Variants in PPFIA3 observed in about 807,000 individuals in gnomAD.
PPFIA3 encodes the protein liprin-alpha-3.
A neutral mutation model predicts 145.8 loss-of-function variants in PPFIA3; 26 were observed. That is an observed-to-expected ratio of 0.18 (90% CI 0.13 to 0.25). The LOEUF (loss-of-function observed/expected upper bound fraction) is 0.25, where lower values mean the gene tolerates loss of function less well. Ranked by LOEUF, PPFIA3 falls within the 10% of genes least tolerant of loss-of-function variation. The probability of loss-of-function intolerance (pLI) is 1.00; values close to 1 mark genes in which losing one functional copy is unlikely to be tolerated. For synonymous variants in PPFIA3, 645 were observed against 661.4 expected (o/e 0.98, Z 0.38); for missense variants, 1,008 against 1,587.8 (o/e 0.63, Z 6.21).
In PPFIA3 at chr19:49,130,180, G is replaced by T; in HGVS notation, c.657+113G>T. On this transcript the variant is annotated intron_variant, in intron 6 of 29. Transcript: ENST00000334186. The surrounding 1 kb of genome is among the most constrained non-coding windows in gnomAD (Gnocchi z 4.5). ...GGCCCTAAGACGGCTGCACCTGTAA[G>T]AGTGTCACAGAGCTTGGACCTCTGA... 1 of 1,237,376 alleles carries T rather than the reference G, an allele frequency of 8.1e-7. No homozygotes were observed. Among genetic ancestry groups the T allele is most frequent in the South Asian group, 1.5e-5 (1 of 67,184 alleles). 76.6% of individuals were successfully genotyped at this position (1,237,376 alleles called of 1,614,324 possible).
intron 1 of PPFIA3, among the ~76,000 whole-genome samples, 175 bp downstream of exon 1, chr19:49,119,897 C>T (rs1307085873): frequency 6.6e-6 from 1 of 151,914 alleles, no homozygotes; most frequent in Admixed American, 6.5e-5. Flanking sequence ...CCAGAGTCCC[C>T]GACCGAACCC....
At chr19:49,129,578 G>A in intron 5 of PPFIA3, 124 bp downstream of exon 5, 1 of 1,050,568 alleles carries the variant, frequency 9.5e-7, no homozygotes, top group Non-Finnish European at 1.4e-6. Context: ...GGGCAGACAA[G>A]CTATGGGGTT....
At chr19:49,137,492 T>C (rs1221039591) in intron 15 of PPFIA3, among the ~76,000 whole-genome samples, 2 of 151,818 alleles carry the variant, frequency 1.3e-5, no homozygotes, top group Non-Finnish European at 2.9e-5. Flanking sequence ...TAGCCAGGCA[T>C]GGTGGCAGGC....
intron 1 of PPFIA3, among the ~76,000 whole-genome samples, chr19:49,123,215 A>G (rs1392138704): frequency 6.6e-6 from 1 of 151,066 alleles, no homozygotes; most frequent in Admixed American, 6.6e-5. Context: ...TATTTTTAAT[A>G]GAGACAGGGT....
chr19:49,148,958 G>A, intron 25 of PPFIA3, 35 bp from the exon 26 acceptor site: 4 of 1,607,836 alleles, frequency 2.5e-6, no homozygotes, highest in Non-Finnish European at 3.4e-6. Context: ...CCAGGCCACG[G>A]GAGGGGCACG....
At chr19:49,141,648 G>C in intron 19 of PPFIA3, 135 bp downstream of exon 19, 1 of 617,000 alleles carries the variant, frequency 1.6e-6, no homozygotes. Context: ...GTGCAGCGGT[G>C]GTGGTGGTGA....
Position 49,129,384 on chromosome 19 carries a change from G to C in PPFIA3, c.512G>C (p.Arg171Pro). The change falls in exon 5 of 30, where the codon CGG becomes CCG. Residue 171 changes from arginine to proline, a missense_variant. By Grantham distance (103) the Arg-to-Pro change is moderately radical (BLOSUM62 -2). Coordinates refer to ENST00000334186, the MANE Select transcript of PPFIA3 (RefSeq NM_003660.4). The stretch of plus-strand genomic sequence containing the variant: ...TTGCCCTGCCCCGATCCCCAGGTCC[G>C]GGAGCGGCTGCGGATGGCGCTGGAG... ...EHHKALDEKV[R>P]ERLRMALERV... 1 of 1,550,190 alleles carries C rather than the reference G, an allele frequency of 6.5e-7. No individual in the cohort carries two copies. Among genetic ancestry groups the C allele is most frequent in the Non-Finnish European group, 8.7e-7 (1 of 1,147,150 alleles).
Position 49,128,285 on chromosome 19 carries a change from C to G in PPFIA3, c.241-82C>G, listed in dbSNP as rs1236594922. ...CGGGACTTAGCAGGGAGGGCGGGACCTTCAAACTTCCAGTCCCAGTGAATG... is the reference window on the plus strand; with the variant it reads ...CGGGACTTAGCAGGGAGGGCGGGACGTTCAAACTTCCAGTCCCAGTGAATG... On this transcript the variant is annotated intron_variant, in intron 2 of 29. Coordinates refer to ENST00000334186, the MANE Select transcript of PPFIA3 (RefSeq NM_003660.4). This position sits in a 1 kb window ranked among gnomAD's most constrained non-coding sequence, Gnocchi z 4.1. 1.9e-6 allele frequency: 3 copies of G among 1,550,678 alleles called. No individual in the cohort carries two copies. The highest frequency in any genetic ancestry group is 1.4e-5 in the African/African-American group (1 of 73,620).
rs763743014 is a variant in PPFIA3 at position 49,138,285 on chromosome 19, C to T, written c.1934C>T (p.Ser645Leu). Residue 645 changes from serine (S) to leucine (L), a missense_variant, in exon 16 of 30, where the codon TCG becomes TTG. By Grantham distance (145) the Ser-to-Leu change is moderately radical (BLOSUM62 -2). Coordinates refer to ENST00000334186, the MANE Select transcript of PPFIA3 (RefSeq NM_003660.4). The part of the protein sequence containing the change: ...ESRVSSSGLD[S>L]LGRYRSSCSL... ...CGGGTGTCCAGCTCTGGCTTGGACT[C>T]GTTGGGCCGCTACCGCAGCAGCTGC... 6.8e-6 allele frequency: 11 copies of T among 1,613,564 alleles called. No individual in the cohort carries two copies. The highest frequency in any genetic ancestry group is 1.1e-5 in the South Asian group (1 of 91,036).
rs889207361 is a variant in PPFIA3, at chr19:49,133,517, G to A, written c.1161+146G>A. 4 of 1,136,658 alleles carry A rather than the reference G, an allele frequency of 3.5e-6. No homozygotes were observed. The highest frequency in any genetic ancestry group is 4.8e-6 in the Non-Finnish European group (4 of 825,076). 70.4% of individuals were successfully genotyped at this position (1,136,658 alleles called of 1,614,324 possible). On this transcript the variant is annotated intron_variant, in intron 9 of 29. Transcript: ENST00000334186. This position sits in a 1 kb window ranked among gnomAD's most constrained non-coding sequence, Gnocchi z 7.2. Reference sequence around the variant, plus strand: ...GGGCCTAGGGGCTGGGAAAGGGACAGGACTTGGAATGGGGAGGGCCTGGAG... The same window carrying A: ...GGGCCTAGGGGCTGGGAAAGGGACAAGACTTGGAATGGGGAGGGCCTGGAG...
At chr19:49,122,824 C>A (rs2040953381) in intron 1 of PPFIA3, among the ~76,000 whole-genome samples, 1 of 150,230 alleles carries the variant, frequency 6.7e-6, no homozygotes, top group Non-Finnish European at 1.5e-5. Flanking sequence ...TGGGTTCACA[C>A]CATTTTCCTG....
chr19:49,128,178 A>G lies in PPFIA3; in HGVS notation c.240+65A>G, dbSNP rs2041026940. Reference sequence around the variant, plus strand: ...CTCGGGGGGAAGAAGGCGGTCCGGAAGGGGCCGGGCTTGGCGCCTGGAAGG... The same window carrying G: ...CTCGGGGGGAAGAAGGCGGTCCGGAGGGGGCCGGGCTTGGCGCCTGGAAGG... On this transcript the variant is annotated intron_variant, in intron 2 of 29. Coordinates refer to ENST00000334186, the MANE Select transcript of PPFIA3 (RefSeq NM_003660.4). This position sits in a 1 kb window ranked among gnomAD's most constrained non-coding sequence, Gnocchi z 4.1. 2.1e-6 allele frequency: 3 copies of G among 1,458,906 alleles called. No homozygotes were observed. Among genetic ancestry groups the G allele is most frequent in the Non-Finnish European group, 2.7e-6 (3 of 1,105,680 alleles). The allele number at this position is 1,458,906 out of a possible 1,614,324, so 90.4% of individuals were successfully genotyped here.
intron 25 of PPFIA3, 34 bp from the exon 26 acceptor site, chr19:49,148,949 CAGGCCACGGG>C: frequency 6.2e-7 from 1 of 1,604,802 alleles, no homozygotes; most frequent in Non-Finnish European, 8.5e-7. Flanking sequence ...CTGAACTCTC[CAGGCCACGGG>C]AGGGGCACGG....
chr19:49,132,599 C>T (rs915809254), intron 7 of PPFIA3, among the ~76,000 whole-genome samples: 1 of 151,866 alleles, frequency 6.6e-6, no homozygotes, highest in African/African-American at 2.4e-5. Flanking sequence ...AGAGGTGTTG[C>T]CTTCTAGGTA....
At position 49,139,837 on chromosome 19, in the gene PPFIA3, C is replaced by CAGGGACAAGGGAT. The variant is rs1213284900; in HGVS notation, c.2240+14_2240+26dup. 1.9e-6 allele frequency: 3 copies of CAGGGACAAGGGAT among 1,609,590 alleles called. No individual in the cohort carries two copies. The highest frequency in any genetic ancestry group is 2.5e-6 in the Non-Finnish European group (3 of 1,177,194). On this transcript the variant is annotated splice_region_variant and intron_variant, in intron 17 of 29. Coordinates refer to ENST00000334186, the MANE Select transcript of PPFIA3 (RefSeq NM_003660.4). ...GGGGGACCCCCACGGGGAAGGTCAG[C>CAGGGACAAGGGAT]AGGGACAAGGGATAGGGACAGGGAG...
intron 1 of PPFIA3, among the ~76,000 whole-genome samples, chr19:49,121,926 G>A (rs1311390779): frequency 1.3e-5 from 2 of 151,382 alleles, no homozygotes; most frequent in East Asian, 2.0e-4. Context: ...CATGGCCATC[G>A]CGCCTGGCCG....
intron 11 of PPFIA3, 104 bp downstream of exon 11, chr19:49,134,269 C>T (rs551742420): frequency 2.8e-6 from 4 of 1,438,292 alleles, no homozygotes; most frequent in South Asian, 2.7e-5. Context: ...TCGGAGGCCT[C>T]CCTAAACCCC....
intron 16 of PPFIA3, among the ~76,000 whole-genome samples, chr19:49,138,949 A>G (rs2041174971): frequency 6.7e-6 from 1 of 148,662 alleles, no homozygotes; most frequent in Non-Finnish European, 1.5e-5. Context: ...CCAACCTGGG[A>G]GACAGAGTGA....
At chr19:49,135,065 A>G (rs1036910663) in intron 13 of PPFIA3, 150 bp downstream of exon 13, 118 of 673,244 alleles carry the variant, frequency 1.8e-4, no homozygotes, top group Non-Finnish European at 2.0e-4. Context: ...GTTTTGAGAC[A>G]GAGTCTCACT....
Sources: allele counts gnomAD v4.1 joint callset (sites outside exome capture counted in the v4.1 genomes callset), GRCh38; gene constraint gnomAD v4.1.1; non-coding constraint Gnocchi (gnomAD v3.1); transcripts MANE v1.5; gene names NCBI Gene and HGNC (gene_info 2026-07-23, HGNC 2026-07-21).